RAPGEF5: variants seen among roughly 807,000 people sequenced by gnomAD.
RAPGEF5 encodes the protein Rap guanine nucleotide exchange factor 5, also known as M-Ras-regulated GEF.
A neutral mutation model predicts 125.2 loss-of-function variants in RAPGEF5; 65 were observed. The ratio of observed to expected loss-of-function variants is 0.52; its 90% confidence interval spans 0.43 to 0.64. RAPGEF5 has a LOEUF of 0.64. Among genes scored for constraint, RAPGEF5 ranks in the 30% least tolerant of loss-of-function variants. The pLI, the probability that RAPGEF5 is intolerant of heterozygous loss-of-function variation, is 0.00. For synonymous variants in RAPGEF5, 391 were observed against 385.9 expected (o/e 1.01, Z -0.16); for missense variants, 958 against 1,048.1 (o/e 0.91, Z 1.19).
chr7:22,222,332 G>GA (rs147319282), intron 8 of RAPGEF5, among the ~76,000 whole-genome samples: 5,222 of 152,182 alleles, frequency 0.034, 122 homozygotes, highest in Non-Finnish European at 0.052. Flanking sequence ...ATATATGACA[G>GA]AAAAAACAAT....
chr7:22,256,364 T>C (rs1786760603), intron 7 of RAPGEF5, among the ~76,000 whole-genome samples: 1 of 152,104 alleles, frequency 6.6e-6, no homozygotes, highest in African/African-American at 2.4e-5. Flanking sequence ...GTGACTGAGG[T>C]GAATGAATGT....
chr7:22,224,562 A>G (rs1785870292), intron 8 of RAPGEF5, among the ~76,000 whole-genome samples: 1 of 152,138 alleles, frequency 6.6e-6, no homozygotes, highest in African/African-American at 2.4e-5. Context: ...TCTGTGGTTT[A>G]ATCAGTGGTG....
chr7:22,297,547 A>G (rs577908932), intron 5 of RAPGEF5, among the ~76,000 whole-genome samples: 1 of 152,354 alleles, frequency 6.6e-6, no homozygotes, highest in African/African-American at 2.4e-5. Flanking sequence ...AAGGCCATGA[A>G]TATAAAATGA....
chr7:22,279,411 GCT>G (rs1782625952), intron 6 of RAPGEF5, among the ~76,000 whole-genome samples: 2 of 152,124 alleles, frequency 1.3e-5, no homozygotes, highest in Non-Finnish European at 2.9e-5. Context: ...TTGAAAACTT[GCT>G]CTGTTATCTA....
intron 7 of RAPGEF5, among the ~76,000 whole-genome samples, chr7:22,259,007 G>T (rs911362403): frequency 3.3e-5 from 5 of 152,100 alleles, no homozygotes; most frequent in African/African-American, 4.8e-5. Context: ...AGAAAAAATT[G>T]ATAAGCTAGA....
intron 8 of RAPGEF5, among the ~76,000 whole-genome samples, chr7:22,224,920 T>C (rs1163016635): frequency 6.6e-6 from 1 of 151,964 alleles, no homozygotes; most frequent in Non-Finnish European, 1.5e-5. Flanking sequence ...GTCTTCACTA[T>C]TTTTTTGGAT....
At chr7:22,157,414 C>T (rs1033612622) in intron 15 of RAPGEF5, among the ~76,000 whole-genome samples, 3 of 152,182 alleles carry the variant, frequency 2.0e-5, no homozygotes, top group African/African-American at 7.2e-5. Context: ...CCATATTTCT[C>T]CCTCATCAAA....
rs562762686 is a variant in RAPGEF5 at position 22,173,191 on chromosome 7, C to T, written c.1205-6043G>A. 2.0e-5 allele frequency among the ~76,000 whole-genome samples: 3 copies of T among 152,214 alleles called. No individual in the cohort carries two copies. In the East Asian group the frequency reaches 5.8e-4, roughly 29 times the overall value. The stretch of plus-strand genomic sequence containing the variant: ...GCCATTATTTTTTGAGAAGCAGTGC[C>T]AAAATGTACCATGTAATTTGATTAA... On this transcript the variant is annotated intron_variant, in intron 11 of 25. Transcript: ENST00000665637.
chr7:22,301,564 G>A (rs796212649), intron 5 of RAPGEF5, among the ~76,000 whole-genome samples: 15 of 146,540 alleles, frequency 1.0e-4, no homozygotes, highest in South Asian at 4.3e-4. Flanking sequence ...GCAGTAAGCC[G>A]AGATCGTGCC....
intron 6 of RAPGEF5, among the ~76,000 whole-genome samples, chr7:22,275,155 T>A (rs574950834): frequency 6.6e-6 from 1 of 152,324 alleles, no homozygotes; most frequent in African/African-American, 2.4e-5. Context: ...TTAGGTACCA[T>A]CTTCTCCTGA....
chr7:22,254,424 G>A (rs2128138962), intron 7 of RAPGEF5, among the ~76,000 whole-genome samples: 1 of 151,578 alleles, frequency 6.6e-6, no homozygotes, highest in Middle Eastern at 3.4e-3. Context: ...GCCTGACCAA[G>A]GTGGAGAAAC....
rs558612361 is a variant in RAPGEF5 at position 22,195,570 on chromosome 7, T to C, written c.997-1537A>G. Reference sequence around the variant, plus strand: ...GTGGCAATTAATGCTGGATATTCATTGTGAAACTCCCTGAGGACGACAGTG... The same window carrying C: ...GTGGCAATTAATGCTGGATATTCATCGTGAAACTCCCTGAGGACGACAGTG... On this transcript the variant is annotated intron_variant, in intron 9 of 25. Transcript: ENST00000665637. 4.6e-5 allele frequency among the ~76,000 whole-genome samples: 7 copies of C among 152,296 alleles called. No homozygotes were observed. In the East Asian group the frequency reaches 1.3e-3, roughly 29 times the overall value.
intron 8 of RAPGEF5, chr7:22,220,303 C>T (rs1225524555): frequency 4.4e-6 from 1 of 229,154 alleles, no homozygotes; most frequent in African/African-American, 2.2e-5. Context: ...CAGCCTGTTT[C>T]CTGTTACATA....
chr7:22,218,293 T>G (rs1466733718), intron 9 of RAPGEF5, among the ~76,000 whole-genome samples: 2 of 152,206 alleles, frequency 1.3e-5, no homozygotes, highest in African/African-American at 2.4e-5. Context: ...TGTTTTGTCA[T>G]AAGCCTTAAT....
intron 2 of RAPGEF5, among the ~76,000 whole-genome samples, chr7:22,315,715 C>T (rs1445136493): frequency 6.6e-6 from 1 of 151,752 alleles, no homozygotes; most frequent in Non-Finnish European, 1.5e-5. Flanking sequence ...TAACTATTCT[C>T]CAAATGCTAA....
intron 15 of RAPGEF5, 106 bp from the exon 16 acceptor site, chr7:22,156,994 A>C: frequency 6.7e-7 from 1 of 1,493,966 alleles, no homozygotes; most frequent in Non-Finnish European, 8.9e-7. Flanking sequence ...TTTTTTTTTA[A>C]TATGAAATCC....
chr7:22,220,106 A>G, intron 8 of RAPGEF5, 115 bp from the exon 9 acceptor site: 1 of 1,317,744 alleles, frequency 7.6e-7, no homozygotes, highest in Non-Finnish European at 1.0e-6. Context: ...GGATTAAATC[A>G]TGGTCTTGGT....
chr7:22,325,255 C>T (rs904696458), intron 1 of RAPGEF5, among the ~76,000 whole-genome samples: 1 of 152,190 alleles, frequency 6.6e-6, no homozygotes, highest in Admixed American at 6.5e-5. Context: ...ACCAACCTAA[C>T]CCACCAGAGG....
intron 11 of RAPGEF5, among the ~76,000 whole-genome samples, chr7:22,178,803 T>C (rs1387176770): frequency 6.6e-6 from 1 of 152,094 alleles, no homozygotes; most frequent in Non-Finnish European, 1.5e-5. Context: ...CCACTGGTGA[T>C]TAAGTCAATC....
Sources: allele counts gnomAD v4.1 joint callset (sites outside exome capture counted in the v4.1 genomes callset), GRCh38; gene constraint gnomAD v4.1.1; transcripts MANE v1.5; gene names NCBI Gene and HGNC (gene_info 2026-07-23, HGNC 2026-07-21).